ARHGAP35: variants seen among roughly 807,000 people sequenced by gnomAD.
ARHGAP35 encodes Rho GTPase activating protein 35.
A neutral mutation model predicts 111.1 loss-of-function variants in ARHGAP35; 15 were observed. The observed-to-expected ratio is 0.13, with a 90% CI of 0.09 to 0.21. The LOEUF is 0.21. Among genes scored for constraint, ARHGAP35 ranks in the 10% least tolerant of loss-of-function variants. ARHGAP35 has a pLI of 1.00. For synonymous variants in ARHGAP35, 643 were observed against 710.3 expected (o/e 0.91, Z 1.51); for missense variants, 1,262 against 1,873.0 (o/e 0.67, Z 6.02).
In ARHGAP35 at chr19:46,993,925, T is replaced by TTTGTTG. The variant is rs200375498; in HGVS notation, c.4036+4265_4036+4270dup. On this transcript the variant is annotated intron_variant, in intron 5 of 6. Coordinates refer to ENST00000672722, the MANE Select transcript of ARHGAP35 (RefSeq NM_004491.5). This position sits in a 1 kb window ranked among gnomAD's most constrained non-coding sequence, Gnocchi z 4.6. ...CCACACACTGGAGCAGGATGGGTTG[T>TTTGTTG]TTGTTGTTGTTGTTGTTGTTAGAAA... is the stretch of plus-strand genomic sequence containing the variant. 1.3e-5 allele frequency among the ~76,000 whole-genome samples: 2 copies of TTTGTTG among 152,022 alleles called. No individual in the cohort carries two copies. Among genetic ancestry groups the TTTGTTG allele is most frequent in the African/African-American group, 4.8e-5 (2 of 41,384 alleles).
Position 46,921,897 on chromosome 19 carries a change from C to T in ARHGAP35, c.3222C>T (p.Ser1074=), listed in dbSNP as rs765258766. The change falls in exon 2 of 7, where the codon AGC becomes AGT. Residue 1074 remains serine, a synonymous_variant. Coordinates refer to ENST00000672722, the MANE Select transcript of ARHGAP35 (RefSeq NM_004491.5). The surrounding 1 kb of genome is among the most constrained non-coding windows in gnomAD (Gnocchi z 4.3). The stretch of plus-strand genomic sequence containing the variant: ...GACAGAGGAAGTCTGTGTCTTCTAG[C>T]CCCTGGCTGCCTCAGGATGGGTTTG... ...RDGQRKSVSS[S]PWLPQDGFDP... is the part of the protein sequence containing the mutation. The T allele has an allele frequency of 1.9e-6, 3 of 1,613,954 alleles. No individual in the cohort carries two copies. The highest frequency in any genetic ancestry group is 2.2e-5 in the South Asian group (2 of 91,074).
rs566121362 is a variant in ARHGAP35, at chr19:47,001,538, G to A, written c.*850G>A. The stretch of plus-strand genomic sequence containing the variant: ...TTGTGGCAGCAAAACCAGGATGCCT[G>A]GAGCTGTGGCCTGAGGGCCTGCTGG... On this transcript the variant is annotated 3_prime_UTR_variant, in exon 7 of 7. Coordinates refer to ENST00000672722, the MANE Select transcript of ARHGAP35 (RefSeq NM_004491.5). The surrounding 1 kb of genome is among the most constrained non-coding windows in gnomAD (Gnocchi z 5.4). 34 of 629,236 alleles carry A rather than the reference G, an allele frequency of 5.4e-5. No homozygotes were observed. Among genetic ancestry groups the A allele is most frequent in the African/African-American group, 4.2e-4 (22 of 52,126 alleles). 39.0% of individuals were successfully genotyped at this position (629,236 alleles called of 1,614,324 possible).
intron 3 of ARHGAP35, among the ~76,000 whole-genome samples, chr19:46,957,966 C>T (rs1455838618): frequency 6.6e-6 from 1 of 151,340 alleles, no homozygotes; most frequent in Non-Finnish European, 1.5e-5. Flanking sequence ...TGCAGTGGTG[C>T]GATCATAGCT....
chr19:46,921,006 G>A lies in ARHGAP35; in HGVS notation c.2331G>A (p.Leu777=), dbSNP rs1436689985. 1 of 1,613,942 alleles carries A rather than the reference G, an allele frequency of 6.2e-7. No individual in the cohort carries two copies. Among genetic ancestry groups the A allele is most frequent in the South Asian group, 1.1e-5 (1 of 91,078 alleles). The change falls in exon 2 of 7, where the codon TTG becomes TTA. Residue 777 remains leucine (L), a synonymous_variant. Transcript: ENST00000672722. The surrounding 1 kb of genome is among the most constrained non-coding windows in gnomAD (Gnocchi z 4.3). ...GTTCTACTGCTAGCATCAAAGATTT[G>A]GCTGATGTTGATCTGCGAATTGTTA... is the stretch of plus-strand genomic sequence containing the variant. The part of the protein sequence containing the change: ...LVSSTASIKD[L]ADVDLRIVMC...
chr19:46,933,791 A>G (rs958171012), intron 2 of ARHGAP35, among the ~76,000 whole-genome samples: 3 of 152,336 alleles, frequency 2.0e-5, no homozygotes, highest in Middle Eastern at 3.4e-3. Flanking sequence ...ACTGCACCGC[A>G]GTCTGGATGA....
intron 1 of ARHGAP35, among the ~76,000 whole-genome samples, chr19:46,902,622 G>A (rs2056087688): frequency 6.6e-6 from 1 of 152,104 alleles, no homozygotes; most frequent in South Asian, 2.1e-4. Flanking sequence ...GATTCAACTG[G>A]CTGAGCTTAG....
At chr19:46,870,511 G>A (rs943733115) in intron 1 of ARHGAP35, among the ~76,000 whole-genome samples, 20 of 151,938 alleles carry the variant, frequency 1.3e-4, no homozygotes, top group African/African-American at 2.4e-4. Context: ...CCCAGGAGGC[G>A]GAGCTTGCAG....
At position 46,861,080 on chromosome 19, in the gene ARHGAP35, C is replaced by T. The variant is rs1259885257; in HGVS notation, c.-318C>T. On this transcript the variant is annotated 5_prime_UTR_variant, in exon 1 of 7. Coordinates refer to ENST00000672722, the MANE Select transcript of ARHGAP35 (RefSeq NM_004491.5). ...ACCCGCGAGGGAGGGTCCGCCCGGC[C>T]CCCCGCCGCCGGAGCCGCCGCCGCC... 2.0e-5 allele frequency among the ~76,000 whole-genome samples: 3 copies of T among 148,328 alleles called. No individual in the cohort carries two copies. Among genetic ancestry groups the T allele is most frequent in the African/African-American group, 5.1e-5 (2 of 38,884 alleles).
chr19:46,866,457 C>A (rs1200153787), intron 1 of ARHGAP35, among the ~76,000 whole-genome samples: 1 of 152,206 alleles, frequency 6.6e-6, no homozygotes, highest in African/African-American at 2.4e-5. Flanking sequence ...GGCTTCTGAT[C>A]TAGGCCTTGT....
chr19:46,888,618 T>G (rs560238352), intron 1 of ARHGAP35, among the ~76,000 whole-genome samples: 50 of 151,770 alleles, frequency 3.3e-4, no homozygotes, highest in South Asian at 1.2e-3. Flanking sequence ...AAAATCTGCT[T>G]AGTTATGTAG....
chr19:46,873,603 A>AC (rs1018238475), intron 1 of ARHGAP35, among the ~76,000 whole-genome samples: 2 of 144,132 alleles, frequency 1.4e-5, no homozygotes, highest in African/African-American at 2.6e-5. Flanking sequence ...GCGCCACTGC[A>AC]CCCCACCTGG....
chr19:46,959,588 C>T (rs915901275), intron 3 of ARHGAP35, among the ~76,000 whole-genome samples: 10 of 150,890 alleles, frequency 6.6e-5, no homozygotes, highest in Non-Finnish European at 1.2e-4. Flanking sequence ...TTAGTAAAGA[C>T]AGGGTTTCAC....
chr19:46,882,126 T>G (rs2055965548), intron 1 of ARHGAP35, among the ~76,000 whole-genome samples: 1 of 151,788 alleles, frequency 6.6e-6, no homozygotes, highest in African/African-American at 2.4e-5. Flanking sequence ...CCACTCAAAC[T>G]TCTTTCTTTC....
chr19:46,876,356 G>A (rs749049056), intron 1 of ARHGAP35, among the ~76,000 whole-genome samples: 31 of 151,758 alleles, frequency 2.0e-4, no homozygotes, highest in Non-Finnish European at 3.7e-4. Context: ...ATGCCACCAA[G>A]CCCAGCTAAT....
In ARHGAP35 at chr19:46,879,215, C is replaced by T. The variant is rs569152501; in HGVS notation, c.-189+18006C>T. On this transcript the variant is annotated intron_variant, in intron 1 of 6. Transcript: ENST00000672722. Reference sequence around the variant, plus strand: ...CTTAACGCCAGTAATCCCAGCTCTTCGGAAGGCCGAGGTGACCTCATCTGA... The same window carrying T: ...CTTAACGCCAGTAATCCCAGCTCTTTGGAAGGCCGAGGTGACCTCATCTGA... 1.4e-4 allele frequency among the ~76,000 whole-genome samples: 22 copies of T among 152,216 alleles called. 1 individual carries two copies. The highest frequency in any genetic ancestry group is 4.6e-4 in the African/African-American group (19 of 41,548).
rs1216977812 is a variant in ARHGAP35 at position 46,945,819 on chromosome 19, T to C, written c.3826+8411T>C. 1.3e-5 allele frequency among the ~76,000 whole-genome samples: 2 copies of C among 152,238 alleles called. No homozygotes were observed. Among genetic ancestry groups the C allele is most frequent in the Non-Finnish European group, 2.9e-5 (2 of 68,048 alleles). On this transcript the variant is annotated intron_variant, in intron 3 of 6. Coordinates refer to ENST00000672722, the MANE Select transcript of ARHGAP35 (RefSeq NM_004491.5). The surrounding 1 kb of genome is among the most constrained non-coding windows in gnomAD (Gnocchi z 4.1). ...CAGACTTCGTTCCCTGTTTCTGTGA[T>C]TTTTAACCTCTGCTTTTGGCAGTGT...
Position 46,978,162 on chromosome 19 carries a change from A to T in ARHGAP35, c.3827-9827A>T, listed in dbSNP as rs889208713. On this transcript the variant is annotated intron_variant, in intron 3 of 6. Coordinates refer to ENST00000672722, the MANE Select transcript of ARHGAP35 (RefSeq NM_004491.5). Reference sequence around the variant, plus strand: ...CCACATGTTGAGAAGTTTGTGTTGTACCCTAGATTTTTATCCTAGATTGCA... The same window carrying T: ...CCACATGTTGAGAAGTTTGTGTTGTTCCCTAGATTTTTATCCTAGATTGCA... Among the ~76,000 whole-genome samples, 6 of 152,120 alleles carry T rather than the reference A, an allele frequency of 3.9e-5. 1 individual carries two copies. Among genetic ancestry groups the T allele is most frequent in the Non-Finnish European group, 8.8e-5 (6 of 68,018 alleles).
chr19:46,876,419 G>A (rs1414995079), intron 1 of ARHGAP35, among the ~76,000 whole-genome samples: 5 of 151,500 alleles, frequency 3.3e-5, no homozygotes, highest in Non-Finnish European at 7.4e-5. Flanking sequence ...TGTTGCCCAG[G>A]CTGGAGTATA....
chr19:46,937,036 C>T (rs908282696), intron 2 of ARHGAP35, among the ~76,000 whole-genome samples: 1 of 152,018 alleles, frequency 6.6e-6, no homozygotes, highest in African/African-American at 2.4e-5. Context: ...GACACGGTTT[C>T]ACCATGTTGG....
Sources: allele counts gnomAD v4.1 joint callset (sites outside exome capture counted in the v4.1 genomes callset), GRCh38; gene constraint gnomAD v4.1.1; non-coding constraint Gnocchi (gnomAD v3.1); transcripts MANE v1.5; gene names NCBI Gene and HGNC (gene_info 2026-07-23, HGNC 2026-07-21).